RAET1G: variants seen among roughly 807,000 people sequenced by gnomAD.
RAET1G encodes the protein retinoic acid early transcript 1G.
Under a neutral mutation model 29.5 loss-of-function variants are expected in RAET1G, and 25 were observed. The observed-to-expected ratio is 0.85, with a 90% confidence interval of 0.62 to 1.18. RAET1G has a LOEUF of 1.18. Among genes scored for constraint, RAET1G ranks in the 50% most tolerant of loss-of-function variants. The pLI is 0.00. For synonymous variants in RAET1G, 167 were observed against 159.5 expected, an observed-to-expected ratio of 1.05 and a Z score of -0.36; for missense variants, 434 against 423.6, an observed-to-expected ratio of 1.02 and a Z score of -0.22.
Position 149,919,952 on chromosome 6 carries a change from G to T in RAET1G, c.86-136C>A, listed in dbSNP as rs1370029497. 3.8e-6 allele frequency: 6 copies of T among 1,568,876 alleles called. No individual in the cohort carries two copies. In the African/African-American group the frequency reaches 5.4e-5, roughly 14 times the overall value. On this transcript the variant is annotated intron_variant, in intron 1 of 4. Coordinates refer to ENST00000367360, the MANE Select transcript of RAET1G (RefSeq NM_001001788.4). Reference sequence around the variant, plus strand: ...AAGGAGTGCCTCCTCCAGAACTGTGGTGTCCACAAGATTAAGGCGAGTGCT... The same window carrying T: ...AAGGAGTGCCTCCTCCAGAACTGTGTTGTCCACAAGATTAAGGCGAGTGCT...
intron 3 of RAET1G, chr6:149,918,668 C>T (rs943603876): frequency 3.8e-5 from 22 of 585,338 alleles, no homozygotes; most frequent in African/African-American, 1.5e-4. Context: ...GGGAGGGTCA[C>T]GAGGCTGGCC....
rs139512823 is a variant in RAET1G at position 149,917,404 on chromosome 6, T to A, written c.843-330A>T. ...GTGCCTTCCCAGGCACTGGCGCTAC[T>A]GCTAGACTGAGGAGCCCACTACTGG... On this transcript the variant is annotated intron_variant, in intron 4 of 4. Coordinates refer to ENST00000367360, the MANE Select transcript of RAET1G (RefSeq NM_001001788.4). Among the ~76,000 whole-genome samples, 654 of 152,320 alleles carry A rather than the reference T, an allele frequency of 4.3e-3. 4 individuals carry two copies. Among genetic ancestry groups the A allele is most frequent in the African/African-American group, 0.015 (628 of 41,568 alleles).
intron 4 of RAET1G, 114 bp downstream of exon 4, chr6:149,918,060 A>C (rs1197391399): frequency 1.1e-6 from 1 of 912,946 alleles, no homozygotes; most frequent in Non-Finnish European, 1.7e-6. Flanking sequence ...CACCTGTCTC[A>C]TGTTAGGATG....
In RAET1G at chr6:149,918,382, G is replaced by A. The variant is rs1778503068; in HGVS notation, c.634C>T (p.Pro212Ser). ...GCTGTGCCTGAGGACATGGTGGGTG[G>A]TGCTGAAATGGAAGCACAAGAGTGA... Reference protein sequence around the residue: ...DSTLEPSAGAPPTMSSGTAQP... With the variant: ...DSTLEPSAGASPTMSSGTAQP... The change falls in exon 4 of 5, where the codon CCA (proline) becomes TCA (serine). Residue 212 changes from proline (P) to serine (S), a missense_variant and splice_region_variant. Coordinates refer to ENST00000367360, the MANE Select transcript of RAET1G (RefSeq NM_001001788.4). 1 of 1,614,034 alleles carries A rather than the reference G, an allele frequency of 6.2e-7. No homozygotes were observed.
intron 2 of RAET1G, 110 bp from the exon 3 acceptor site, chr6:149,919,434 C>G: frequency 6.2e-7 from 1 of 1,606,634 alleles, no homozygotes; most frequent in Non-Finnish European, 8.5e-7. Flanking sequence ...CTGGCCTTGC[C>G]TCTAGACGTC....
chr6:149,918,870 G>C, intron 3 of RAET1G, 173 bp downstream of exon 3: 2 of 941,296 alleles, frequency 2.1e-6, no homozygotes, highest in Non-Finnish European at 1.6e-6. Flanking sequence ...AGAAGGAAGA[G>C]GAGGGTGGGA....
chr6:149,922,527 T>C (rs1239981483), intron 1 of RAET1G, among the ~76,000 whole-genome samples: 1 of 152,076 alleles, frequency 6.6e-6, no homozygotes. Context: ...TGGTGGCTGG[T>C]GGGAGTGTCT....
At chr6:149,918,024 T>C in intron 4 of RAET1G, 150 bp downstream of exon 4, 1 of 747,518 alleles carries the variant, frequency 1.3e-6, no homozygotes, top group Non-Finnish European at 2.2e-6. Context: ...CCAGGTCATT[T>C]CCAACAAGCA....
In RAET1G at chr6:149,919,629, G is replaced by A. The variant is rs1445489335; in HGVS notation, c.273C>T (p.Asn91=). The A allele has an allele frequency of 2.5e-6, 4 of 1,613,870 alleles. No individual in the cohort carries two copies. Among genetic ancestry groups the A allele is most frequent in the African/African-American group, 2.7e-5 (2 of 74,916 alleles). Residue 91 remains asparagine, a synonymous_variant, in exon 2 of 5, where the codon AAC becomes AAT. Transcript: ENST00000367360. ...TGTCCACCACCTCTCTCAGTACTGG[G>A]TTCTGTGCTTTCCAGGCCGTTGTGA... The part of the protein sequence containing the change: ...LNVTTAWKAQ[N]PVLREVVDIL...
At chr6:149,918,732 G>A in intron 3 of RAET1G, 1 of 599,372 alleles carries the variant, frequency 1.7e-6, no homozygotes, top group South Asian at 2.1e-5. Context: ...GAAAGGAAAA[G>A]TGATTCTCAA....
rs1378947608 is a variant in RAET1G, at chr6:149,920,619, T to A, written c.86-803A>T. ...GGCCAGGGTTGGGGGTAGGAGATGCTCTTCCTGAAATGGGCTCCCAGTAGT... is the reference window on the plus strand; with the variant it reads ...GGCCAGGGTTGGGGGTAGGAGATGCACTTCCTGAAATGGGCTCCCAGTAGT... On this transcript the variant is annotated intron_variant, in intron 1 of 4. Coordinates refer to ENST00000367360, the MANE Select transcript of RAET1G (RefSeq NM_001001788.4). Among the ~76,000 whole-genome samples the A allele has an allele frequency of 2.0e-5, 3 of 152,178 alleles. No homozygotes were observed. In the East Asian group the frequency reaches 5.8e-4, roughly 29 times the overall value.
chr6:149,919,723 G>T lies in RAET1G; in HGVS notation c.179C>A (p.Thr60Asn). The change falls in exon 2 of 5, where the codon ACT becomes AAT. Residue 60 changes from threonine to asparagine, a missense_variant. Physicochemically the swap from Thr to Asn is moderately conservative, Grantham distance 65. Transcript: ENST00000367360. The part of the protein sequence containing the change: ...CAVQGQVDEK[T>N]FLHYDCGSKT... ...GCTGCCACAGTCATAGTGAAGAAAA[G>T]TCTTTTCATCCACCTGGCCTTGAAC... 6.2e-7 allele frequency: 1 copy of T among 1,613,774 alleles called. No individual in the cohort carries two copies. The highest frequency in any genetic ancestry group is 1.1e-5 in the South Asian group (1 of 91,070).
At chr6:149,922,894 C>G in intron 1 of RAET1G, 32 bp downstream of exon 1, 1 of 1,528,548 alleles carries the variant, frequency 6.5e-7, no homozygotes, top group Non-Finnish European at 8.9e-7. Flanking sequence ...CGGTTGGCCT[C>G]CGCCCCGCTT....
chr6:149,919,450 G>A lies in RAET1G; in HGVS notation c.349+103C>T, dbSNP rs143128078. On this transcript the variant is annotated intron_variant, in intron 2 of 4. Transcript: ENST00000367360. ...TGGCCTTGCCTCTAGACGTCTTGCG[G>A]GGTGAGATGACCTTCCTATTTGTAT... 1,021 of 1,610,546 alleles carry A rather than the reference G, an allele frequency of 6.3e-4. 3 individuals are homozygous for A. The African/African-American group carries it at 0.012, about 19-fold the overall frequency.
chr6:149,917,217 C>G lies in RAET1G; in HGVS notation c.843-143G>C, dbSNP rs1257979600. On this transcript the variant is annotated intron_variant, in intron 4 of 4. Coordinates refer to ENST00000367360, the MANE Select transcript of RAET1G (RefSeq NM_001001788.4). Reference sequence around the variant, plus strand: ...GCGGAACATGAAAGTGGACCAGGAGCGTGACCCTGAAGCACAGCATCACAG... The same window carrying G: ...GCGGAACATGAAAGTGGACCAGGAGGGTGACCCTGAAGCACAGCATCACAG... 5.7e-6 allele frequency: 7 copies of G among 1,236,900 alleles called. No individual in the cohort carries two copies. In the South Asian group the frequency reaches 1.4e-4, roughly 25 times the overall value. 76.6% of individuals were successfully genotyped at this position (1,236,900 alleles called of 1,614,324 possible).
intron 1 of RAET1G, among the ~76,000 whole-genome samples, chr6:149,921,792 C>T (rs534865385): frequency 6.6e-6 from 1 of 152,284 alleles, no homozygotes; most frequent in East Asian, 1.9e-4. Context: ...TTCTACTCTC[C>T]AACTGACACC....
chr6:149,918,973 C>A, intron 3 of RAET1G, 70 bp downstream of exon 3: 5 of 1,594,856 alleles, frequency 3.1e-6, no homozygotes, highest in South Asian at 1.1e-5. Context: ...AAGCTGAACT[C>A]AAGAATTAGT....
Position 149,923,081 on chromosome 6 carries a change from G to A in RAET1G, c.-71C>T, listed in dbSNP as rs1778634969. On this transcript the variant is annotated 5_prime_UTR_variant, in exon 1 of 5. Coordinates refer to ENST00000367360, the MANE Select transcript of RAET1G (RefSeq NM_001001788.4). Reference sequence around the variant, plus strand: ...TGGATCACCTGGCGGCTCGCAGGCTGTCTGAATGCAGCCCGTCTGAATGCA... The same window carrying A: ...TGGATCACCTGGCGGCTCGCAGGCTATCTGAATGCAGCCCGTCTGAATGCA... The A allele has an allele frequency of 7.5e-6, 6 of 801,158 alleles. No individual in the cohort carries two copies. Among genetic ancestry groups the A allele is most frequent in the Non-Finnish European group, 1.0e-5 (6 of 594,154 alleles). 49.6% of individuals were successfully genotyped at this position (801,158 alleles called of 1,614,324 possible).
chr6:149,919,406 T>TA, intron 2 of RAET1G, 82 bp from the exon 3 acceptor site: 1 of 1,598,388 alleles, frequency 6.3e-7, no homozygotes, highest in Non-Finnish European at 8.5e-7. Context: ...TTCCTGGTCT[T>TA]ACTTGCTCTG....
Sources: gnomAD v4.1 joint callset for allele counts (sites outside exome capture counted in the v4.1 genomes callset) on GRCh38, gnomAD v4.1.1 for gene constraint, MANE v1.5 for transcripts, NCBI Gene and HGNC (gene_info 2026-07-23, HGNC 2026-07-21) for gene names.